The following UBAP2L variants were observed in gnomAD, a reference collection of about 807,000 sequenced individuals.
UBAP2L encodes ubiquitin associated protein 2 like, also known as ubiquitin-associated protein 2-like.
In UBAP2L, 12 loss-of-function variants were observed where a neutral mutation model predicts 130.6. That is an observed-to-expected ratio of 0.09 (90% CI 0.06 to 0.15). The LOEUF (loss-of-function observed/expected upper bound fraction) is 0.15, where lower values mean the gene tolerates loss of function less well. Among genes scored for constraint, UBAP2L ranks in the 10% least tolerant of loss-of-function variants. The pLI is 1.00. For synonymous variants in UBAP2L, 503 were observed against 524.7 expected, an observed-to-expected ratio of 0.96 and a Z score of 0.57; for missense variants, 965 against 1,332.5, an observed-to-expected ratio of 0.72 and a Z score of 4.29.
At chr1:154,235,040 C>T (rs1671145039) in intron 5 of UBAP2L, among the ~76,000 whole-genome samples, 156 bp from the exon 6 acceptor site, 1 of 152,156 alleles carries the variant, frequency 6.6e-6, no homozygotes, top group African/African-American at 2.4e-5. Context: ...ATGTTCCCAT[C>T]CTTCCAGCTC....
chr1:154,270,606 G>C lies in UBAP2L; in HGVS notation c.*311G>C. On this transcript the variant is annotated 3_prime_UTR_variant, in exon 27 of 27. Transcript: ENST00000428931. The stretch of plus-strand genomic sequence containing the variant: ...GCTTCCTCCTGTTCACCCTGGTGGT[G>C]TACGGATGAGGCGGGGAGGTGGGAC... The C allele has an allele frequency of 7.1e-7, 1 of 1,414,024 alleles. No homozygotes were observed. 87.6% of individuals were successfully genotyped at this position (1,414,024 alleles called of 1,614,324 possible).
rs6664963 is a variant in UBAP2L, at chr1:154,240,472, A to G, written c.704-1041A>G. On this transcript the variant is annotated intron_variant, in intron 8 of 26. Coordinates refer to ENST00000428931, the MANE Select transcript of UBAP2L (RefSeq NM_014847.4). ...CTCCCGTTGTCTGTGCCATGACCAT[A>G]GCAGGTCAGGTTTCAAGTTCTATAT... Among the ~76,000 whole-genome samples the G allele has an allele frequency of 5.6e-4, 86 of 152,310 alleles. 1 individual carries two copies. Among genetic ancestry groups the G allele is most frequent in the African/African-American group, 1.8e-3 (75 of 41,574 alleles).
In UBAP2L at chr1:154,270,381, T is replaced by C. The variant is rs772412799; in HGVS notation, c.*86T>C. 2.3e-5 allele frequency: 36 copies of C among 1,579,882 alleles called. No individual in the cohort carries two copies. The highest frequency in any genetic ancestry group is 3.1e-5 in the Non-Finnish European group (36 of 1,165,958). ...GGAAACAGCATCAAAGAGAAAGGAA[T>C]GTGGGGGGTTTCCGCTGCCCCCCAC... On this transcript the variant is annotated 3_prime_UTR_variant, in exon 27 of 27. Coordinates refer to ENST00000428931, the MANE Select transcript of UBAP2L (RefSeq NM_014847.4).
Position 154,243,316 on chromosome 1 carries a change from A to C in UBAP2L, c.842+14A>C, listed in dbSNP as rs373601552. 9 of 1,609,322 alleles carry C rather than the reference A, an allele frequency of 5.6e-6. No individual in the cohort carries two copies. The African/African-American group carries it at 1.2e-4, about 21-fold the overall frequency. On this transcript the variant is annotated intron_variant, in intron 10 of 26. Coordinates refer to ENST00000428931, the MANE Select transcript of UBAP2L (RefSeq NM_014847.4). ...TGCTGGTCAGAGGCAAGTGTGCAGT[A>C]AAATTTAGTACCATTTCTTAAACAC...
Position 154,243,208 on chromosome 1 carries a change from G to A in UBAP2L, c.757-9G>A. ...GACACCAAGAGTGACTAATCCCTCT[G>A]TTTTCCAGCTTTCTGAGACCAAGAT... On this transcript the variant is annotated splice_polypyrimidine_tract_variant and intron_variant, in intron 9 of 26. Coordinates refer to ENST00000428931, the MANE Select transcript of UBAP2L (RefSeq NM_014847.4). 1 of 1,609,770 alleles carries A rather than the reference G, an allele frequency of 6.2e-7. No individual in the cohort carries two copies. Among genetic ancestry groups the A allele is most frequent in the Non-Finnish European group, 8.5e-7 (1 of 1,177,026 alleles).
intron 15 of UBAP2L, 188 bp from the exon 16 acceptor site, chr1:154,254,648 T>A: frequency 1.6e-6 from 1 of 628,550 alleles, no homozygotes. Flanking sequence ...TCAGTTTTGT[T>A]GTTTAATTTT....
At chr1:154,259,330 A>G (rs1198915179) in intron 21 of UBAP2L, among the ~76,000 whole-genome samples, 1 of 152,000 alleles carries the variant, frequency 6.6e-6, no homozygotes, top group African/African-American at 2.4e-5. Context: ...AGCTGGGATT[A>G]AAGGTGCCCA....
At chr1:154,261,454 T>C in intron 23 of UBAP2L, 138 bp from the exon 24 acceptor site, 1 of 830,420 alleles carries the variant, frequency 1.2e-6, no homozygotes, top group Non-Finnish European at 2.0e-6. Context: ...AGTAAGGAGC[T>C]AATTTCACTA....
chr1:154,270,796 C>A lies in UBAP2L; in HGVS notation c.*501C>A. On this transcript the variant is annotated 3_prime_UTR_variant, in exon 27 of 27. Coordinates refer to ENST00000428931, the MANE Select transcript of UBAP2L (RefSeq NM_014847.4). Reference sequence around the variant, plus strand: ...TTTTTTTTTTTTTTTTGTACTGTGTCCTCAAATTTAATGGATTAATGTGTC... The same window carrying A: ...TTTTTTTTTTTTTTTTGTACTGTGTACTCAAATTTAATGGATTAATGTGTC... 4 of 492,650 alleles carry A rather than the reference C, an allele frequency of 8.1e-6. No individual in the cohort carries two copies. Among genetic ancestry groups the A allele is most frequent in the Admixed American group, 7.9e-5 (1 of 12,726 alleles). 30.5% of individuals were successfully genotyped at this position (492,650 alleles called of 1,614,324 possible).
Position 154,251,643 on chromosome 1 carries a change from A to G in UBAP2L, c.1654A>G (p.Ser552Gly). The change falls in exon 14 of 27, where the codon AGC becomes GGC. Residue 552 changes from serine to glycine, a missense_variant. Physicochemically the swap from Ser to Gly is moderately conservative, Grantham distance 56. Around this residue, in one of 9 missense-constraint regions of UBAP2L, gnomAD observed 393 missense variants for 408.1 expected, o/e 0.96. Coordinates refer to ENST00000428931, the MANE Select transcript of UBAP2L (RefSeq NM_014847.4). ...CCAGGCTCCAAGTAGCCTGTATACC[A>G]GCACGGCCAGGTAGAGGAAACATTA... Reference protein sequence around the residue: ...SSQAPSSLYTSTASESSSTIS... With the variant: ...SSQAPSSLYTGTASESSSTIS... The G allele has an allele frequency of 1.2e-6, 2 of 1,614,024 alleles. No homozygotes were observed. Among genetic ancestry groups the G allele is most frequent in the Non-Finnish European group, 1.7e-6 (2 of 1,179,986 alleles).
intron 9 of UBAP2L, chr1:154,242,992 C>G (rs754781892): frequency 2.8e-6 from 1 of 363,624 alleles, no homozygotes; most frequent in Non-Finnish European, 5.1e-6. Flanking sequence ...TCATGTGACT[C>G]CACTATATTT....
chr1:154,228,201 A>G (rs1260663905), intron 3 of UBAP2L, among the ~76,000 whole-genome samples: 1 of 142,320 alleles, frequency 7.0e-6, no homozygotes, highest in African/African-American at 2.6e-5. Flanking sequence ...TTTTTTTTTT[A>G]TTTTGAGACG....
At chr1:154,251,381 T>C (rs1677550328) in intron 13 of UBAP2L, 63 bp downstream of exon 13, 9 of 1,578,054 alleles carry the variant, frequency 5.7e-6, no homozygotes. Context: ...AGAATTGAGA[T>C]TAAAAGGGTA....
At chr1:154,220,707 G>C (rs866272036), upstream of UBAP2L, 1 of 439,480 alleles carries the variant, frequency 2.3e-6, no homozygotes, top group East Asian at 4.3e-5. Flanking sequence ...CCATCCGTGC[G>C]TCACGTGGTG....
Position 154,241,505 on chromosome 1 carries a change from A to T in UBAP2L, c.704-8A>T. 1 of 1,613,540 alleles carries T rather than the reference A, an allele frequency of 6.2e-7. No homozygotes were observed. The highest frequency in any genetic ancestry group is 8.5e-7 in the Non-Finnish European group (1 of 1,179,690). Reference sequence around the variant, plus strand: ...TGAAGTTACTTCACTATTTTTCTTTATTCTCAGGTGCATGGAGGACTGCAA... The same window carrying T: ...TGAAGTTACTTCACTATTTTTCTTTTTTCTCAGGTGCATGGAGGACTGCAA... On this transcript the variant is annotated splice_region_variant and splice_polypyrimidine_tract_variant and intron_variant, in intron 8 of 26. Coordinates refer to ENST00000428931, the MANE Select transcript of UBAP2L (RefSeq NM_014847.4).
At chr1:154,223,485 T>C (rs1189032598) in intron 1 of UBAP2L, among the ~76,000 whole-genome samples, 1 of 151,642 alleles carries the variant, frequency 6.6e-6, no homozygotes, top group Non-Finnish European at 1.5e-5. Flanking sequence ...TGTGTATATG[T>C]AGTCTTGTTG....
intron 7 of UBAP2L, 129 bp from the exon 8 acceptor site, chr1:154,236,895 C>T: frequency 9.6e-6 from 7 of 731,628 alleles, no homozygotes; most frequent in Non-Finnish European, 1.4e-5. Context: ...GTAGATGACA[C>T]ACAGGATTAT....
chr1:154,249,822 C>A (rs549105651), intron 12 of UBAP2L, among the ~76,000 whole-genome samples: 2 of 147,712 alleles, frequency 1.4e-5, no homozygotes, highest in African/African-American at 2.6e-5. Flanking sequence ...CCTGTGGTCC[C>A]AGCCCCTAGT....
chr1:154,228,742 G>T lies in UBAP2L; in HGVS notation c.279+17G>T. ...CCAGACACGGTAGAGTGCTTATAGA[G>T]TGTTCTAGGACATGGGTCCTCAATT... On this transcript the variant is annotated intron_variant, in intron 4 of 26. Transcript: ENST00000428931. 6.3e-7 allele frequency: 1 copy of T among 1,593,164 alleles called. No homozygotes were observed. Among genetic ancestry groups the T allele is most frequent in the South Asian group, 1.1e-5 (1 of 90,498 alleles).
Sources: allele counts gnomAD v4.1 joint callset (sites outside exome capture counted in the v4.1 genomes callset), GRCh38; gene constraint gnomAD v4.1.1; regional missense constraint gnomAD v4.1.1; transcripts MANE v1.5; gene names NCBI Gene and HGNC (gene_info 2026-07-23, HGNC 2026-07-21).